The following PTPRD variants were observed in gnomAD, a reference collection of about 807,000 sequenced individuals.
PTPRD encodes receptor-type tyrosine-protein phosphatase delta.
A neutral mutation model predicts 214.5 loss-of-function variants in PTPRD; 34 were observed. The ratio of observed to expected loss-of-function variants is 0.16; its 90% CI spans 0.12 to 0.21. The LOEUF (loss-of-function observed/expected upper bound fraction) is 0.21. Ranked by LOEUF, PTPRD falls within the 10% of genes least tolerant of loss-of-function variation. PTPRD has a pLI of 1.00. For synonymous variants in PTPRD, 1,128 were observed against 845.7 expected (o/e 1.33, Z -5.79); for missense variants, 2,545 against 2,398.7 (o/e 1.06, Z -1.27).
intron 11 of PTPRD, among the ~76,000 whole-genome samples, chr9:8,916,996 A>C (rs1312285781): frequency 1.3e-5 from 2 of 151,630 alleles, no homozygotes; most frequent in African/African-American, 4.8e-5. Context: ...ATGAGGCCTC[A>C]TGGGATAAAT....
At chr9:8,360,918 A>G (rs754023092) in intron 39 of PTPRD, among the ~76,000 whole-genome samples, 51 of 152,198 alleles carry the variant, frequency 3.4e-4, no homozygotes, top group African/African-American at 1.2e-4. Flanking sequence ...ATTTGACTAC[A>G]GAAATTCACC....
chr9:8,565,484 G>C (rs528162385), intron 14 of PTPRD, among the ~76,000 whole-genome samples: 1 of 152,236 alleles, frequency 6.6e-6, no homozygotes, highest in East Asian at 1.9e-4. Context: ...CTATGCATGA[G>C]TAGTGTTTCA....
chr9:9,866,278 A>G (rs1243001794), intron 5 of PTPRD, among the ~76,000 whole-genome samples: 1 of 149,752 alleles, frequency 6.7e-6, no homozygotes, highest in African/African-American at 2.6e-5. Flanking sequence ...CATTATTTTC[A>G]TGAAAGTGAA....
intron 3 of PTPRD, among the ~76,000 whole-genome samples, chr9:10,169,473 CA>C (rs59335943): frequency 0.02 from 1,309 of 66,816 alleles, 14 homozygotes; most frequent in Middle Eastern, 0.064. Context: ...GACTCTGTCT[CA>C]AAAAAAAAAA....
chr9:9,761,547 C>A (rs920549476), intron 6 of PTPRD, among the ~76,000 whole-genome samples: 1 of 152,100 alleles, frequency 6.6e-6, no homozygotes, highest in Non-Finnish European at 1.5e-5. Context: ...AACATGATTA[C>A]AATGGGCATG....
intron 3 of PTPRD, among the ~76,000 whole-genome samples, chr9:10,194,218 T>A (rs1053378452): frequency 6.6e-6 from 1 of 151,716 alleles, no homozygotes; most frequent in African/African-American, 2.4e-5. Context: ...CTGTCCCTTA[T>A]CAGAATTTAC....
chr9:9,635,163 G>A (rs1264288553), intron 7 of PTPRD, among the ~76,000 whole-genome samples: 2 of 152,096 alleles, frequency 1.3e-5, no homozygotes, highest in Non-Finnish European at 1.5e-5. Context: ...AGCCTATAAA[G>A]CTTCTTTTTC....
intron 8 of PTPRD, among the ~76,000 whole-genome samples, chr9:9,453,323 C>G (rs889684013): frequency 1.3e-5 from 2 of 151,216 alleles, no homozygotes; most frequent in Non-Finnish European, 1.5e-5. Flanking sequence ...TATTAATAAG[C>G]AAATATTAAA....
intron 9 of PTPRD, among the ~76,000 whole-genome samples, chr9:9,332,350 A>G (rs1016978591): frequency 6.6e-6 from 1 of 151,962 alleles, no homozygotes; most frequent in African/African-American, 2.4e-5. Context: ...AAAAATATTT[A>G]TCCCTCAGAT....
intron 2 of PTPRD, among the ~76,000 whole-genome samples, chr9:10,341,296 C>A (rs1477501485): frequency 6.6e-6 from 1 of 151,696 alleles, no homozygotes; most frequent in African/African-American, 2.4e-5. Context: ...CGCTAGGCCA[C>A]TATAGTCACA....
intron 12 of PTPRD, among the ~76,000 whole-genome samples, chr9:8,643,933 G>T (rs552408215): frequency 6.6e-6 from 1 of 152,328 alleles, no homozygotes; most frequent in East Asian, 1.9e-4. Context: ...AGGGCCTGAA[G>T]TCTGAGTGCT....
At chr9:10,150,250 T>G (rs2099051715) in intron 3 of PTPRD, among the ~76,000 whole-genome samples, 1 of 152,116 alleles carries the variant, frequency 6.6e-6, no homozygotes, top group South Asian at 2.1e-4. Flanking sequence ...GGCAAAGACT[T>G]GGAACCAACC....
At chr9:9,575,177 A>T (rs140715101) in intron 7 of PTPRD, among the ~76,000 whole-genome samples, 1 of 152,272 alleles carries the variant, frequency 6.6e-6, no homozygotes, top group African/African-American at 2.4e-5. Context: ...GTACACACAC[A>T]GCTGTGGCTA....
intron 7 of PTPRD, among the ~76,000 whole-genome samples, chr9:9,585,006 G>T (rs1457015796): frequency 6.6e-6 from 1 of 151,900 alleles, no homozygotes; most frequent in African/African-American, 2.4e-5. Context: ...CATCACCCTG[G>T]AAAATTTACA....
At chr9:8,896,936 A>T (rs1379247549) in intron 11 of PTPRD, among the ~76,000 whole-genome samples, 2 of 152,216 alleles carry the variant, frequency 1.3e-5, no homozygotes, top group African/African-American at 4.8e-5. Flanking sequence ...AGAGAACTGT[A>T]GATTAGTTCT....
intron 11 of PTPRD, among the ~76,000 whole-genome samples, chr9:8,883,886 A>G (rs1369228392): frequency 6.6e-6 from 1 of 152,240 alleles, no homozygotes; most frequent in African/African-American, 2.4e-5. Context: ...CTGGGGATAT[A>G]CATTCAAGAA....
intron 10 of PTPRD, among the ~76,000 whole-genome samples, chr9:9,104,968 C>G (rs935727324): frequency 6.6e-6 from 1 of 152,102 alleles, no homozygotes; most frequent in Non-Finnish European, 1.5e-5. Flanking sequence ...GTGCACAACA[C>G]AGAAAGTAAA....
intron 3 of PTPRD, among the ~76,000 whole-genome samples, chr9:10,248,337 C>T (rs1485324706): frequency 2.0e-5 from 3 of 151,814 alleles, no homozygotes; most frequent in African/African-American, 7.3e-5. Context: ...CGAATTATTA[C>T]CATTCTACAA....
intron 11 of PTPRD, among the ~76,000 whole-genome samples, chr9:8,881,894 T>C (rs2098449130): frequency 6.6e-6 from 1 of 152,226 alleles, no homozygotes. Flanking sequence ...CTTCCTGTCT[T>C]CTTACTCGGA....
Sources: allele counts gnomAD v4.1 joint callset (sites outside exome capture counted in the v4.1 genomes callset), GRCh38; gene constraint gnomAD v4.1.1; transcripts MANE v1.5; gene names NCBI Gene and HGNC (gene_info 2026-07-23, HGNC 2026-07-21).